ABCB9: variants seen among roughly 807,000 people sequenced by gnomAD.
The protein encoded by ABCB9 is ABC-type oligopeptide transporter ABCB9.
A neutral mutation model predicts 62.0 loss-of-function variants in ABCB9; 36 were observed. The observed-to-expected ratio is 0.58, with a 90% CI of 0.45 to 0.77. The LOEUF is 0.77. Ranked by LOEUF, ABCB9 falls within the 30% of genes least tolerant of loss-of-function variation. The probability of loss-of-function intolerance (pLI) is 0.00; values close to 1 mark genes in which losing one functional copy is unlikely to be tolerated. For synonymous variants in ABCB9, 435 were observed against 461.4 expected (o/e 0.94, Z 0.73); for missense variants, 943 against 1,054.7 (o/e 0.89, Z 1.47).
chr12:122,946,274 T>C (rs570699455), intron 5 of ABCB9, 52 bp from the exon 6 acceptor site: 2 of 1,596,998 alleles, frequency 1.3e-6, no homozygotes, highest in South Asian at 1.1e-5. Flanking sequence ...AGCCTCACTA[T>C]GTACTGGAGC....
In ABCB9 at chr12:122,929,973, G is replaced by T; in HGVS notation, c.2239C>A (p.Pro747Thr). Residue 747 changes from proline to threonine, a missense_variant, in exon 12 of 12, where the codon CCC becomes ACC. By Grantham distance (38) the Pro-to-Thr change is conservative (BLOSUM62 -1). Transcript: ENST00000280560. The surrounding 1 kb of genome is among the most constrained non-coding windows in gnomAD (Gnocchi z 6.0). ...TGGCCAGCTGTGAAGTCTGCGGCGG[G>T]CTGAAGCCCCAGCATCTGCCGCTGC... is the stretch of plus-strand genomic sequence containing the variant. Reference protein sequence around the residue: ...LVQRQMLGLQPAADFTAGHNE... With the variant: ...LVQRQMLGLQTAADFTAGHNE... 6.3e-7 allele frequency: 1 copy of T among 1,579,986 alleles called. No individual in the cohort carries two copies. Among genetic ancestry groups the T allele is most frequent in the African/African-American group, 1.3e-5 (1 of 74,716 alleles).
At chr12:122,974,211 C>CGG (rs2037342728) in intron 1 of ABCB9, among the ~76,000 whole-genome samples, 1 of 152,048 alleles carries the variant, frequency 6.6e-6, no homozygotes, top group African/African-American at 2.4e-5. Context: ...GGCAGTTAGG[C>CGG]GGGTAATGAA....
Position 122,955,240 on chromosome 12 carries a change from T to C in ABCB9, c.601+4395A>G, listed in dbSNP as rs1005637844. On this transcript the variant is annotated intron_variant, in intron 2 of 11. Coordinates refer to ENST00000280560, the MANE Select transcript of ABCB9 (RefSeq NM_019625.4). The stretch of plus-strand genomic sequence containing the variant: ...AACTTGCCTAAAGTTATCAGTGAAG[T>C]CGGGAGCCTGAGCCTCGAGTCTGCG... 7.2e-5 allele frequency among the ~76,000 whole-genome samples: 11 copies of C among 152,288 alleles called. No homozygotes were observed. The East Asian group carries it at 1.9e-3, about 27-fold the overall frequency.
At position 122,935,303 on chromosome 12, in the gene ABCB9, G is replaced by A. The variant is rs1365354198; in HGVS notation, c.1872C>T (p.Phe624=). Reference sequence around the variant, plus strand: ...TGTAGCCGTCCTGGAGTTCCATGATGAAGCCGTGGGCATTGGCCTTCTGTG... The same window carrying A: ...TGTAGCCGTCCTGGAGTTCCATGATAAAGCCGTGGGCATTGGCCTTCTGTG... ...EAAQKANAHG[F]IMELQDGYST... is the part of the protein sequence containing the mutation. Residue 624 remains phenylalanine (F), a synonymous_variant, in exon 10 of 12, where the codon TTC becomes TTT. Coordinates refer to ENST00000280560, the MANE Select transcript of ABCB9 (RefSeq NM_019625.4). 4.3e-6 allele frequency: 7 copies of A among 1,612,712 alleles called. No homozygotes were observed. The highest frequency in any genetic ancestry group is 1.7e-5 in the Admixed American group (1 of 59,860).
intron 9 of ABCB9, among the ~76,000 whole-genome samples, chr12:122,936,457 A>C (rs924004104): frequency 1.3e-5 from 2 of 152,202 alleles, no homozygotes; most frequent in African/African-American, 4.8e-5. Context: ...TGTTTATAGA[A>C]ATTAACATTT....
At chr12:122,934,084 C>T (rs2035331986) in intron 10 of ABCB9, among the ~76,000 whole-genome samples, 1 of 151,436 alleles carries the variant, frequency 6.6e-6, no homozygotes. Flanking sequence ...TCTCTACTAA[C>T]AATACAAAAA....
At chr12:122,963,766 C>T (rs1323638145) in intron 1 of ABCB9, among the ~76,000 whole-genome samples, 1 of 152,196 alleles carries the variant, frequency 6.6e-6, no homozygotes, top group African/African-American at 2.4e-5. Context: ...TTCACCCCCA[C>T]ACCTCCAGGC....
rs1362973313 is a variant in ABCB9 at position 122,932,771 on chromosome 12, T to G, written c.1904-443A>C. ...AGCCCACCTGGACCAATTTTCCCCA[T>G]GGACCGACTTCCTCCCATGCACAAC... On this transcript the variant is annotated intron_variant, in intron 10 of 11. Transcript: ENST00000280560. The surrounding 1 kb of genome is among the most constrained non-coding windows in gnomAD (Gnocchi z 4.7). Among the ~76,000 whole-genome samples, 1 of 152,168 alleles carries G rather than the reference T, an allele frequency of 6.6e-6. No homozygotes were observed. Among genetic ancestry groups the G allele is most frequent in the Non-Finnish European group, 1.5e-5 (1 of 68,028 alleles).
chr12:122,972,762 C>T (rs531120214), intron 1 of ABCB9: 1 of 152,304 alleles, frequency 6.6e-6, no homozygotes, highest in Non-Finnish European at 1.5e-5. Context: ...ATCCGCTGGC[C>T]TCAGCCTCCC....
upstream of ABCB9, among the ~76,000 whole-genome samples, chr12:122,968,327 T>A (rs886611678): frequency 1.3e-5 from 2 of 152,204 alleles, no homozygotes; most frequent in Non-Finnish European, 2.9e-5. Context: ...GCCTGTTTTC[T>A]CATCAGAGAA....
At chr12:122,920,813 T>G (rs1593945707), downstream of ABCB9, 2 of 469,946 alleles carry the variant, frequency 4.3e-6, no homozygotes, top group South Asian at 3.1e-5. Flanking sequence ...CTTGGGAGGG[T>G]GAGGTGGGAG....
chr12:122,930,059 A>G lies in ABCB9; in HGVS notation c.2153T>C (p.Val718Ala). The G allele has an allele frequency of 1.3e-6, 2 of 1,569,070 alleles. No individual in the cohort carries two copies. Among genetic ancestry groups the G allele is most frequent in the Non-Finnish European group, 1.7e-6 (2 of 1,157,518 alleles). The change falls in exon 12 of 12, where the codon GTA becomes GCA. Residue 718 changes from valine (V) to alanine (A), a missense_variant. By Grantham distance (64) the Val-to-Ala change is moderately conservative (BLOSUM62 0). Transcript: ENST00000280560. This position sits in a 1 kb window ranked among gnomAD's most constrained non-coding sequence, Gnocchi z 4.9. Reference protein sequence around the residue: ...HLIVVLDKGRVVQQGTHQQLL... With the variant: ...HLIVVLDKGRAVQQGTHQQLL... ...CTGCTGGTGGGTGCCCTGCTGCACT[A>G]CGCGGCCCTTGTCCAGCACCACAAT...
At chr12:122,973,609 AC>A (rs1477318227) in intron 1 of ABCB9, among the ~76,000 whole-genome samples, 1,671 of 88,350 alleles carry the variant, frequency 0.019, 37 homozygotes, top group Middle Eastern at 0.022. Flanking sequence ...AAAAAAAAAA[AC>A]AAAAACTTTG....
intron 9 of ABCB9, chr12:122,939,807 C>T (rs1420671319): frequency 4.9e-5 from 12 of 245,174 alleles, no homozygotes; most frequent in Non-Finnish European, 9.4e-5. Flanking sequence ...GCTGGGATTA[C>T]AGGTGTGGGC....
At position 122,929,577 on chromosome 12, in the gene ABCB9, A is replaced by G. The variant is rs146221988; in HGVS notation, c.*334T>C. On this transcript the variant is annotated 3_prime_UTR_variant, in exon 12 of 12. Coordinates refer to ENST00000280560, the MANE Select transcript of ABCB9 (RefSeq NM_019625.4). The surrounding 1 kb of genome is among the most constrained non-coding windows in gnomAD (Gnocchi z 6.0). The stretch of plus-strand genomic sequence containing the variant: ...TGCCCGCCATTACTCCCAATTAGAA[A>G]AAGGTTTTTGAAATCTAGGAGTTGA... 8.9e-7 allele frequency: 1 copy of G among 1,121,446 alleles called. No homozygotes were observed. Among genetic ancestry groups the G allele is most frequent in the Non-Finnish European group, 1.1e-6 (1 of 918,008 alleles). The allele number at this position is 1,121,446 out of a possible 1,614,324, so 69.5% of individuals were successfully genotyped here.
rs749884005 is a variant in ABCB9 at position 122,949,898 on chromosome 12, C to A, written c.737G>T (p.Arg246Leu). ...AAATATGAGGGTAAAAATGCCGCCC[C>A]GAATACCTGCGGCAAATGAGCTAAT... ...AIGSSFAAGIRGGIFTLIFAR... is the reference protein window; with the variant it reads ...AIGSSFAAGILGGIFTLIFAR... Residue 246 changes from arginine (R) to leucine (L), a missense_variant, in exon 4 of 12, where the codon CGG becomes CTG. Physicochemically the swap from Arg to Leu is moderately radical, Grantham distance 102. Coordinates refer to ENST00000280560, the MANE Select transcript of ABCB9 (RefSeq NM_019625.4). 2 of 1,614,020 alleles carry A rather than the reference C, an allele frequency of 1.2e-6. No homozygotes were observed. Among genetic ancestry groups the A allele is most frequent in the Non-Finnish European group, 1.7e-6 (2 of 1,179,988 alleles).
chr12:122,973,517 T>C lies in ABCB9; in HGVS notation c.-88+1198A>G, dbSNP rs375860300. ...AAGCGGAGCTTGCAGTGAGCCGAGA[T>C]TGCGCCACTGCAGTCCGCAGTCCGG... On this transcript the variant is annotated intron_variant, in intron 1 of 11. Coordinates refer to the ABCB9 transcript ENST00000392439. Among the ~76,000 whole-genome samples, 14 of 123,124 alleles carry C rather than the reference T, an allele frequency of 1.1e-4. No individual in the cohort carries two copies. In the South Asian group the frequency reaches 3.5e-3, roughly 31 times the overall value. The allele number at this position is 123,124 out of a possible 152,430, so 80.8% of individuals were successfully genotyped here.
intron 2 of ABCB9, among the ~76,000 whole-genome samples, chr12:122,951,240 C>CT (rs369469703): frequency 0.082 from 11,079 of 135,884 alleles, 459 homozygotes; most frequent in East Asian, 0.17. Flanking sequence ...AAATATTTTC[C>CT]TTTTTTTTTT....
intron 10 of ABCB9, among the ~76,000 whole-genome samples, chr12:122,934,094 A>C (rs1394569472): frequency 6.6e-6 from 1 of 152,134 alleles, no homozygotes; most frequent in African/African-American, 2.4e-5. Flanking sequence ...CAATACAAAA[A>C]AAAATTAGCA....
Sources: gnomAD v4.1 joint callset for allele counts (sites outside exome capture counted in the v4.1 genomes callset) on GRCh38, gnomAD v4.1.1 for gene constraint, Gnocchi (gnomAD v3.1) non-coding constraint, MANE v1.5 for transcripts, NCBI Gene and HGNC (gene_info 2026-07-23, HGNC 2026-07-21) for gene names.